WWTR1: variants seen among roughly 807,000 people sequenced by gnomAD.
WWTR1 encodes the protein WW domain-containing transcription regulator protein 1.
Under a neutral mutation model 40.1 loss-of-function variants are expected in WWTR1, and 13 were observed. The ratio of observed to expected loss-of-function variants is 0.32; its 90% CI spans 0.21 to 0.52. The LOEUF (loss-of-function observed/expected upper bound fraction) is 0.52. Ranked by LOEUF, WWTR1 falls within the 20% of genes least tolerant of loss-of-function variation. The pLI is 0.97. For synonymous variants in WWTR1, 230 were observed against 210.1 expected (o/e 1.09, Z -0.82); for missense variants, 436 against 523.1 (o/e 0.83, Z 1.63).
chr3:149,716,309 A>G (rs1320125750), intron 5 of WWTR1, among the ~76,000 whole-genome samples: 1 of 150,474 alleles, frequency 6.6e-6, no homozygotes, highest in Non-Finnish European at 1.5e-5. Flanking sequence ...TGGAACCTGG[A>G]AGGCAGAGGG....
chr3:149,586,046 ATGAT>A (rs1212244759), intron 2 of WWTR1, among the ~76,000 whole-genome samples: 2 of 152,192 alleles, frequency 1.3e-5, no homozygotes, highest in Non-Finnish European at 2.9e-5. Context: ...TAAAAAATAC[ATGAT>A]TGATTTAATT....
At chr3:149,589,159 A>C (rs1738582355) in intron 2 of WWTR1, among the ~76,000 whole-genome samples, 1 of 152,162 alleles carries the variant, frequency 6.6e-6, no homozygotes, top group Non-Finnish European at 1.5e-5. Context: ...GGCATCTTAT[A>C]TCCAGCACCT....
intron 2 of WWTR1, among the ~76,000 whole-genome samples, chr3:149,616,266 T>C (rs911534329): frequency 4.6e-5 from 7 of 152,170 alleles, no homozygotes; most frequent in South Asian, 4.1e-4. Flanking sequence ...TTCCCCTTAA[T>C]TGAGAATGTC....
At chr3:149,607,822 T>C (rs1739556309) in intron 2 of WWTR1, among the ~76,000 whole-genome samples, 1 of 152,164 alleles carries the variant, frequency 6.6e-6, no homozygotes, top group Admixed American at 6.5e-5. Context: ...TTTCCTCTGG[T>C]AATTCAAAAA....
chr3:149,633,445 G>A (rs1400296928), intron 2 of WWTR1, among the ~76,000 whole-genome samples: 2 of 152,106 alleles, frequency 1.3e-5, no homozygotes, highest in Admixed American at 6.6e-5. Context: ...AGGAAACTTG[G>A]CCATTATCTC....
chr3:149,708,630 T>C (rs1201658622), intron 5 of WWTR1, among the ~76,000 whole-genome samples: 2 of 152,250 alleles, frequency 1.3e-5, no homozygotes, highest in African/African-American at 2.4e-5. Flanking sequence ...TCATCCATAT[T>C]ATAGTGTGTG....
intron 2 of WWTR1, among the ~76,000 whole-genome samples, chr3:149,609,223 A>AC: frequency 6.6e-6 from 1 of 152,216 alleles, no homozygotes; most frequent in South Asian, 2.1e-4. Context: ...AGAACACTGG[A>AC]CTCCTCAAAG....
intron 5 of WWTR1, 112 bp from the exon 6 acceptor site, chr3:149,526,237 T>C: frequency 1.6e-6 from 1 of 627,462 alleles, no homozygotes; most frequent in Non-Finnish European, 2.5e-6. Flanking sequence ...GCTGCCCAAC[T>C]TTCCAGGTTA....
In WWTR1 at chr3:149,657,103, G is replaced by C; in HGVS notation, c.204C>G (p.Asp68Glu). The C allele has an allele frequency of 6.3e-7, 1 of 1,580,134 alleles. No homozygotes were observed. The highest frequency in any genetic ancestry group is 1.1e-5 in the South Asian group (1 of 87,750). ...GAGGCCCCGGGTGGCCGCCCGACGA[G>C]TCGGTGCTGGACTGGCGCGAGTGCG... ...SGSHSRQSST[D>E]SSGGHPGPRL... Residue 68 changes from aspartate (D) to glutamate (E), a missense_variant, in exon 2 of 7, where the codon GAC becomes GAG. Physicochemically the swap from Asp to Glu is conservative, Grantham distance 45. Coordinates refer to ENST00000360632, the MANE Select transcript of WWTR1 (RefSeq NM_015472.6).
At chr3:149,699,004 G>C (rs1715082547) in intron 1 of WWTR1, among the ~76,000 whole-genome samples, 1 of 152,148 alleles carries the variant, frequency 6.6e-6, no homozygotes, top group African/African-American at 2.4e-5. Context: ...CCATTGTCTT[G>C]GCTGTTAGCA....
chr3:149,637,075 ACT>A (rs1167998320), intron 2 of WWTR1, among the ~76,000 whole-genome samples: 1 of 151,774 alleles, frequency 6.6e-6, no homozygotes, highest in South Asian at 2.1e-4. Context: ...AAGGACAAGT[ACT>A]CTCTATCACA....
At chr3:149,708,111 C>T (rs1715376701), upstream of WWTR1, among the ~76,000 whole-genome samples, 2 of 152,158 alleles carry the variant, frequency 1.3e-5, no homozygotes, top group African/African-American at 4.8e-5. Flanking sequence ...ACTTGGTGCA[C>T]TATAGAACAC....
At chr3:149,712,167 G>A (rs887786785) in intron 5 of WWTR1, among the ~76,000 whole-genome samples, 2 of 152,180 alleles carry the variant, frequency 1.3e-5, no homozygotes, top group East Asian at 1.9e-4. Flanking sequence ...ATGTGTATCT[G>A]TAGTCCAACC....
intron 1 of WWTR1, among the ~76,000 whole-genome samples, chr3:149,672,573 G>T (rs1559836914): frequency 1.3e-5 from 2 of 152,004 alleles, no homozygotes; most frequent in Non-Finnish European, 2.9e-5. Flanking sequence ...CCACATACAT[G>T]TTAAATTAAT....
At chr3:149,561,439 G>T (rs2107975357) in intron 3 of WWTR1, among the ~76,000 whole-genome samples, 1 of 152,246 alleles carries the variant, frequency 6.6e-6, no homozygotes, top group Non-Finnish European at 1.5e-5. Context: ...ACACTTTATT[G>T]GTAGGGGTGT....
intron 2 of WWTR1, 83 bp downstream of exon 2, chr3:149,656,781 TCTCTCTCTCTCA>T (rs1163298724): frequency 8.9e-6 from 9 of 1,007,200 alleles, no homozygotes; most frequent in Non-Finnish European, 1.1e-5. Flanking sequence ...TCTCTCTCTC[TCTCTCTCTCTCA>T]CACACACACA....
intron 2 of WWTR1, among the ~76,000 whole-genome samples, chr3:149,596,556 C>T (rs1739011692): frequency 6.6e-6 from 1 of 152,166 alleles, no homozygotes; most frequent in Admixed American, 6.5e-5. Flanking sequence ...CACAAGGCAA[C>T]AGCCGTAGTG....
chr3:149,593,035 A>G (rs1287229870), intron 2 of WWTR1, among the ~76,000 whole-genome samples: 1 of 152,224 alleles, frequency 6.6e-6, no homozygotes, highest in Non-Finnish European at 1.5e-5. Flanking sequence ...ACACTCATGT[A>G]CCAATCACAG....
intron 4 of WWTR1, among the ~76,000 whole-genome samples, chr3:149,538,993 C>G (rs1206844306): frequency 6.6e-6 from 1 of 152,064 alleles, no homozygotes; most frequent in Non-Finnish European, 1.5e-5. Context: ...TATGAGCTTC[C>G]ATACTGAAAT....
Sources: gnomAD v4.1 joint callset for allele counts (sites outside exome capture counted in the v4.1 genomes callset) on GRCh38, gnomAD v4.1.1 for gene constraint, MANE v1.5 for transcripts, NCBI Gene and HGNC (gene_info 2026-07-23, HGNC 2026-07-21) for gene names.